The following MTA3 variants were observed in gnomAD, a reference collection of about 807,000 sequenced individuals.
MTA3 encodes the protein metastasis-associated protein MTA3.
A neutral mutation model predicts 83.5 loss-of-function variants in MTA3; 34 were observed. The ratio of observed to expected loss-of-function variants is 0.41; its 90% CI spans 0.31 to 0.54. MTA3 has a LOEUF of 0.54. Ranked by LOEUF, MTA3 falls within the 20% of genes least tolerant of loss-of-function variation. The pLI, the probability that MTA3 is intolerant of heterozygous loss-of-function variation, is 0.33. For missense variants in MTA3, 761 were observed against 726.4 expected (o/e 1.05, Z -0.55); for synonymous variants, 303 against 252.7 (o/e 1.20, Z -1.89).
intron 16 of MTA3, among the ~76,000 whole-genome samples, chr2:42,732,631 A>G (rs1447378643): frequency 6.6e-6 from 1 of 152,226 alleles, no homozygotes; most frequent in African/African-American, 2.4e-5. Flanking sequence ...TACAGCCAGC[A>G]TTAATTTCTC....
At chr2:42,736,509 C>G (rs1450825316) in intron 16 of MTA3, among the ~76,000 whole-genome samples, 1 of 152,128 alleles carries the variant, frequency 6.6e-6, no homozygotes, top group Non-Finnish European at 1.5e-5. Context: ...CAGGCATCTT[C>G]CCTTCAGGGC....
intron 2 of MTA3, among the ~76,000 whole-genome samples, chr2:42,571,386 CAAAAAAAAAAAAAAA>C (rs34003791): frequency 1.6e-5 from 1 of 63,806 alleles, no homozygotes; most frequent in Non-Finnish European, 2.9e-5. Flanking sequence ...AACACTGTCT[CAAAAAAAAAAAAAAA>C]AAAAAAAAAG....
intron 2 of MTA3, among the ~76,000 whole-genome samples, chr2:42,518,527 C>T (rs1449594552): frequency 2.0e-5 from 3 of 152,112 alleles, no homozygotes; most frequent in Non-Finnish European, 4.4e-5. Flanking sequence ...GGAGTCTATA[C>T]TTATAGAAAA....
chr2:42,528,331 T>C (rs1675812029), intron 2 of MTA3, among the ~76,000 whole-genome samples: 1 of 152,070 alleles, frequency 6.6e-6, no homozygotes, highest in Non-Finnish European at 1.5e-5. Context: ...GCTATTCTCC[T>C]GCCTCAGCCT....
intron 2 of MTA3, among the ~76,000 whole-genome samples, chr2:42,499,064 G>A (rs576018575): frequency 1.3e-5 from 2 of 152,252 alleles, no homozygotes; most frequent in South Asian, 2.1e-4. Context: ...AGGGTATGAA[G>A]TTTCAGTTAT....
chr2:42,495,678 C>A (rs760432323), intron 2 of MTA3, among the ~76,000 whole-genome samples: 4 of 152,134 alleles, frequency 2.6e-5, no homozygotes, highest in Non-Finnish European at 5.9e-5. Context: ...CAATGGGGAT[C>A]TCAACTGCAG....
intron 5 of MTA3, among the ~76,000 whole-genome samples, chr2:42,643,822 A>C (rs1210629708): frequency 6.6e-6 from 1 of 152,158 alleles, no homozygotes; most frequent in East Asian, 1.9e-4. Flanking sequence ...GTTATGGTTT[A>C]ATTTTGCTAG....
At chr2:42,539,978 C>A (rs1020323588) in intron 2 of MTA3, among the ~76,000 whole-genome samples, 1 of 152,078 alleles carries the variant, frequency 6.6e-6, no homozygotes, top group Non-Finnish European at 1.5e-5. Context: ...GCTTCTTCTG[C>A]TCAGCTAGAA....
chr2:42,531,373 T>C (rs1203506799), intron 2 of MTA3, among the ~76,000 whole-genome samples: 2 of 151,612 alleles, frequency 1.3e-5, no homozygotes, highest in African/African-American at 4.8e-5. Flanking sequence ...CAAACTAGTA[T>C]GTAACTATGT....
chr2:42,537,968 C>A (rs572806850), intron 2 of MTA3, among the ~76,000 whole-genome samples: 3 of 152,318 alleles, frequency 2.0e-5, no homozygotes, highest in Non-Finnish European at 4.4e-5. Flanking sequence ...CACAGTGGCT[C>A]ATGCCTGTAA....
At chr2:42,687,319 T>C (rs1389107345) in intron 9 of MTA3, among the ~76,000 whole-genome samples, 2 of 152,204 alleles carry the variant, frequency 1.3e-5, no homozygotes, top group Non-Finnish European at 1.5e-5. Context: ...TATGTAACTT[T>C]TTAATTTTGG....
chr2:42,607,283 G>C (rs7590047), intron 3 of MTA3, among the ~76,000 whole-genome samples: 116,362 of 152,106 alleles, frequency 0.77, 45,054 homozygotes, highest in South Asian at 0.88. Flanking sequence ...TACCTTAAGC[G>C]TATGTGGGTG....
chr2:42,507,185 G>A (rs984157705), intron 2 of MTA3, among the ~76,000 whole-genome samples: 1 of 152,126 alleles, frequency 6.6e-6, no homozygotes, highest in South Asian at 2.1e-4. Flanking sequence ...GCAGGCGTGA[G>A]CCACTGGTGA....
chr2:42,628,898 G>A (rs1008758569), intron 4 of MTA3, among the ~76,000 whole-genome samples: 8 of 151,428 alleles, frequency 5.3e-5, no homozygotes, highest in Admixed American at 4.6e-4. Context: ...TGTGTAAGCA[G>A]AATTTTCTTT....
At chr2:42,528,259 T>C (rs1183389621) in intron 2 of MTA3, among the ~76,000 whole-genome samples, 1 of 146,362 alleles carries the variant, frequency 6.8e-6, no homozygotes, top group African/African-American at 2.6e-5. Flanking sequence ...CTTGCTCTGT[T>C]GCCCAGGGTG....
chr2:42,572,522 C>G (rs1259379637), intron 2 of MTA3, among the ~76,000 whole-genome samples: 1 of 152,038 alleles, frequency 6.6e-6, no homozygotes, highest in East Asian at 1.9e-4. Flanking sequence ...CTGCCGTGAG[C>G]TGTGATTGCA....
At chr2:42,670,597 C>T (rs2104405078) in intron 8 of MTA3, among the ~76,000 whole-genome samples, 1 of 152,194 alleles carries the variant, frequency 6.6e-6, no homozygotes, top group Non-Finnish European at 1.5e-5. Flanking sequence ...GAGAGGACTT[C>T]CTTATGCCTA....
intron 4 of MTA3, among the ~76,000 whole-genome samples, chr2:42,612,290 C>A (rs947357256): frequency 6.6e-6 from 1 of 152,150 alleles, no homozygotes; most frequent in Admixed American, 6.5e-5. Context: ...TCATAGCTCA[C>A]TGCAGCCTTA....
intron 7 of MTA3, among the ~76,000 whole-genome samples, chr2:42,658,915 A>T (rs1689421776): frequency 1.4e-5 from 2 of 145,712 alleles, no homozygotes; most frequent in Admixed American, 6.9e-5. Flanking sequence ...TCTACAGAAA[A>T]TTTTTTTTAA....
Sources: gnomAD v4.1 joint callset for allele counts (sites outside exome capture counted in the v4.1 genomes callset) on GRCh38, gnomAD v4.1.1 for gene constraint, MANE v1.5 for transcripts, NCBI Gene and HGNC (gene_info 2026-07-23, HGNC 2026-07-21) for gene names.